Variants in TNFSF9 observed in about 807,000 individuals in gnomAD.
The protein encoded by TNFSF9 is tumor necrosis factor ligand superfamily member 9.
TNFSF9 carries 10 observed loss-of-function variants against 10.3 expected under a neutral mutation model. That is an observed-to-expected ratio of 0.97 (90% CI 0.60 to 1.65). TNFSF9 has a LOEUF of 1.65. Among genes scored for constraint, TNFSF9 ranks in the 40% most tolerant of loss-of-function variants. The probability of loss-of-function intolerance (pLI) is 0.00; values close to 1 mark genes in which losing one functional copy is unlikely to be tolerated. For synonymous variants in TNFSF9, 195 were observed against 176.1 expected, an observed-to-expected ratio of 1.11 and a Z score of -0.85; for missense variants, 361 against 348.9, an observed-to-expected ratio of 1.03 and a Z score of -0.28.
rs368974339 is a variant in TNFSF9, at chr19:6,532,296, T to TGTGTGTGTGTGTGTGTGTTC, written c.268-488_268-487insGTGTGTGTGTGTGTGTTCGT. 6.4e-3 allele frequency among the ~76,000 whole-genome samples: 936 copies of TGTGTGTGTGTGTGTGTGTTC among 146,000 alleles called. 21 individuals carry two copies. The highest frequency in any genetic ancestry group is 0.024 in the African/African-American group (880 of 37,184). ...GTGTGTGTGTGTGTGTGTGTGTGTGTGTTCGTGTTTGTGTGGGTGTTTGTG... is the reference window on the plus strand; with the variant it reads ...GTGTGTGTGTGTGTGTGTGTGTGTGTGTGTGTGTGTGTGTGTGTTCGTTCGTGTTTGTGTGGGTGTTTGTG... On this transcript the variant is annotated intron_variant, in intron 1 of 2. Coordinates refer to ENST00000245817, the MANE Select transcript of TNFSF9 (RefSeq NM_003811.4).
rs960464392 is a variant in TNFSF9 at position 6,535,676 on chromosome 19, T to C, written c.*610T>C. 6.6e-6 allele frequency: 1 copy of C among 152,168 alleles called. No homozygotes were observed. Among genetic ancestry groups the C allele is most frequent in the African/African-American group, 2.4e-5 (1 of 41,442 alleles). The allele number at this position is 152,168 out of a possible 1,614,324, so 9.4% of individuals were successfully genotyped here. On this transcript the variant is annotated 3_prime_UTR_variant, in exon 3 of 3. Transcript: ENST00000245817. Reference sequence around the variant, plus strand: ...TAGCTTTTTTCTTTCTTTCTTTTTTTTGAGATGGTCTTGTTCTGTCAACCA... The same window carrying C: ...TAGCTTTTTTCTTTCTTTCTTTTTTCTGAGATGGTCTTGTTCTGTCAACCA...
chr19:6,532,366 C>A (rs1210779932), intron 1 of TNFSF9, among the ~76,000 whole-genome samples: 1 of 126,882 alleles, frequency 7.9e-6, no homozygotes, highest in African/African-American at 3.1e-5. Flanking sequence ...TGTGTGTGTT[C>A]GTGGGTGTGT....
At chr19:6,531,885 C>A (rs969820941) in intron 1 of TNFSF9, among the ~76,000 whole-genome samples, 3 of 152,186 alleles carry the variant, frequency 2.0e-5, no homozygotes, top group Admixed American at 6.5e-5. Context: ...ATTCCGCATT[C>A]CCAAGGCACC....
Position 6,531,204 on chromosome 19 carries a change from C to G in TNFSF9, c.168C>G (p.Ser56=), listed in dbSNP as rs1294308541. The part of the protein sequence containing the change: ...AVFLACPWAV[S]GARASPGSAA... The stretch of plus-strand genomic sequence containing the variant: ...TCCTCGCCTGCCCCTGGGCCGTGTC[C>G]GGGGCTCGCGCCTCGCCCGGCTCCG... The change falls in exon 1 of 3, where the codon TCC becomes TCG. Residue 56 remains serine (S), a synonymous_variant. Transcript: ENST00000245817. 1 of 1,546,726 alleles carries G rather than the reference C, an allele frequency of 6.5e-7. No individual in the cohort carries two copies. The highest frequency in any genetic ancestry group is 8.7e-7 in the Non-Finnish European group (1 of 1,149,672).
intron 1 of TNFSF9, among the ~76,000 whole-genome samples, chr19:6,532,464 T>C (rs1254586236): frequency 2.7e-5 from 4 of 150,366 alleles, no homozygotes; most frequent in Non-Finnish European, 1.5e-5. Flanking sequence ...TGTTTGGATA[T>C]TTGTGTTCGT....
intron 2 of TNFSF9, among the ~76,000 whole-genome samples, 183 bp from the exon 3 acceptor site, chr19:6,534,417 G>A (rs918492674): frequency 1.1e-4 from 4 of 35,024 alleles, no homozygotes; most frequent in Admixed American, 1.0e-3. Context: ...CCCCCCCAAC[G>A]CCCCCCCCAC....
Position 6,534,715 on chromosome 19 carries a change from T to C in TNFSF9, c.414T>C (p.Ala138=), listed in dbSNP as rs770261571. The change falls in exon 3 of 3, where the codon GCT becomes GCC. Residue 138 remains alanine (A), a synonymous_variant. Coordinates refer to ENST00000245817, the MANE Select transcript of TNFSF9 (RefSeq NM_003811.4). ...EDTKELVVAK[A]GVYYVFFQLE... is the part of the protein sequence containing the mutation. Reference sequence around the variant, plus strand: ...CGAAGGAGCTGGTGGTGGCCAAGGCTGGAGTCTACTATGTCTTCTTTCAAC... The same window carrying C: ...CGAAGGAGCTGGTGGTGGCCAAGGCCGGAGTCTACTATGTCTTCTTTCAAC... 4.4e-6 allele frequency: 7 copies of C among 1,596,758 alleles called. No individual in the cohort carries two copies. The highest frequency in any genetic ancestry group is 6.0e-6 in the Non-Finnish European group (7 of 1,172,034).
In TNFSF9 at chr19:6,535,275, A is replaced by C; in HGVS notation, c.*209A>C. 1 of 155,324 alleles carries C rather than the reference A, an allele frequency of 6.4e-6. No individual in the cohort carries two copies. The highest frequency in any genetic ancestry group is 1.3e-5 in the Non-Finnish European group (1 of 77,482). 9.6% of individuals were successfully genotyped at this position (155,324 alleles called of 1,614,324 possible). ...TATTCTGAGCCTGAGCTCAGATAAT[A>C]TATTATATATATTATATATATATAT... On this transcript the variant is annotated 3_prime_UTR_variant, in exon 3 of 3. Transcript: ENST00000245817.
rs747988143 is a variant in TNFSF9 at position 6,531,268 on chromosome 19, C to G, written c.232C>G (p.Pro78Ala). Reference sequence around the variant, plus strand: ...ACTCCGCGAGGGTCCCGAGCTTTCGCCCGACGATCCCGCCGGCCTCTTGGA... The same window carrying G: ...ACTCCGCGAGGGTCCCGAGCTTTCGGCCGACGATCCCGCCGGCCTCTTGGA... ...PRLREGPELSPDDPAGLLDLR... is the reference protein window; with the variant it reads ...PRLREGPELSADDPAGLLDLR... The change falls in exon 1 of 3, where the codon CCC becomes GCC. Residue 78 changes from proline (P) to alanine (A), a missense_variant. Physicochemically the swap from Pro to Ala is conservative, Grantham distance 27. Transcript: ENST00000245817. 6.6e-7 allele frequency: 1 copy of G among 1,509,154 alleles called. No individual in the cohort carries two copies. Among genetic ancestry groups the G allele is most frequent in the Non-Finnish European group, 8.8e-7 (1 of 1,137,860 alleles). 93.5% of individuals were successfully genotyped at this position (1,509,154 alleles called of 1,614,324 possible).
intron 1 of TNFSF9, among the ~76,000 whole-genome samples, chr19:6,532,119 A>C (rs1391116552): frequency 1.3e-5 from 2 of 152,182 alleles, no homozygotes; most frequent in African/African-American, 4.8e-5. Flanking sequence ...TAACTCCCAA[A>C]GAGCCTTATC....
chr19:6,532,872 T>C (rs768585779), intron 2 of TNFSF9, 56 bp downstream of exon 2: 3 of 1,611,538 alleles, frequency 1.9e-6, no homozygotes, highest in South Asian at 2.2e-5. Flanking sequence ...CACCCCGGGA[T>C]ACGAAGAAGG....
chr19:6,534,863 G>GCCT lies in TNFSF9; in HGVS notation c.568_570dup (p.Ser190dup). ...GGCTTTGACCGTGGACCTGCCACCC[G>GCCT]CCTCCTCCGAGGCTCGGAACTCGGC... On this transcript the variant is annotated inframe_insertion, in exon 3 of 3. Coordinates refer to ENST00000245817, the MANE Select transcript of TNFSF9 (RefSeq NM_003811.4). 6.2e-7 allele frequency: 1 copy of GCCT among 1,606,584 alleles called. No homozygotes were observed. The highest frequency in any genetic ancestry group is 2.2e-5 in the East Asian group (1 of 44,802).
intron 1 of TNFSF9, among the ~76,000 whole-genome samples, chr19:6,532,341 G>A (rs1466680636): frequency 6.6e-6 from 1 of 150,802 alleles, no homozygotes; most frequent in Non-Finnish European, 1.5e-5. Flanking sequence ...GTGTGTTCGT[G>A]TGGGGGTGCG....
Position 6,535,249 on chromosome 19 carries a change from T to C in TNFSF9, c.*183T>C, listed in dbSNP as rs1915243098. ...CCTTCCCCAAGTTGGACCTTGATAT[T>C]TATTCTGAGCCTGAGCTCAGATAAT... On this transcript the variant is annotated 3_prime_UTR_variant, in exon 3 of 3. Coordinates refer to ENST00000245817, the MANE Select transcript of TNFSF9 (RefSeq NM_003811.4). 2.2e-6 allele frequency: 1 copy of C among 458,126 alleles called. No homozygotes were observed. The highest frequency in any genetic ancestry group is 3.8e-6 in the Non-Finnish European group (1 of 262,760). The allele number at this position is 458,126 out of a possible 1,614,324, so 28.4% of individuals were successfully genotyped here.
At position 6,534,941 on chromosome 19, in the gene TNFSF9, G is replaced by A. The variant is rs537475974; in HGVS notation, c.640G>A (p.Val214Ile). Residue 214 changes from valine to isoleucine, a missense_variant, in exon 3 of 3, where the codon GTC becomes ATC. Val to Ile is a conservative substitution (Grantham distance 29). Coordinates refer to ENST00000245817, the MANE Select transcript of TNFSF9 (RefSeq NM_003811.4). ...LHLSAGQRLG[V>I]HLHTEARARH... ...CCTGAGTGCCGGCCAGCGCCTGGGC[G>A]TCCATCTTCACACTGAGGCCAGGGC... 1.7e-5 allele frequency: 28 copies of A among 1,610,962 alleles called. No homozygotes were observed. Among genetic ancestry groups the A allele is most frequent in the South Asian group, 1.5e-4 (14 of 90,934 alleles).
rs755292822 is a variant in TNFSF9, at chr19:6,535,017, G to A, written c.716G>A (p.Arg239Gln). The stretch of plus-strand genomic sequence containing the variant: ...GGCGCCACAGTCTTGGGACTCTTCC[G>A]GGTGACCCCCGAAATCCCAGCCGGA... ...TQGATVLGLF[R>Q]VTPEIPAGLP... The change falls in exon 3 of 3, where the codon CGG becomes CAG. Residue 239 changes from arginine to glutamine, a missense_variant. By Grantham distance (43) the Arg-to-Gln change is conservative. Coordinates refer to ENST00000245817, the MANE Select transcript of TNFSF9 (RefSeq NM_003811.4). 5.0e-6 allele frequency: 8 copies of A among 1,590,650 alleles called. No individual in the cohort carries two copies. Among genetic ancestry groups the A allele is most frequent in the South Asian group, 4.5e-5 (4 of 89,030 alleles).
intron 1 of TNFSF9, among the ~76,000 whole-genome samples, chr19:6,532,296 T>TGTGTGTGTTC (rs368974339): frequency 0.017 from 2,543 of 146,016 alleles, 66 homozygotes; most frequent in African/African-American, 0.058. Flanking sequence ...TGTGTGTGTG[T>TGTGTGTGTTC]GTTCGTGTTT....
At chr19:6,534,457 G>T in intron 2 of TNFSF9, 143 bp from the exon 3 acceptor site, 1 of 118,862 alleles carries the variant, frequency 8.4e-6, no homozygotes, top group South Asian at 1.1e-4. Context: ...CCCCTGTCCC[G>T]CTCCCTGCCC....
chr19:6,533,319 C>G (rs1432917198), intron 2 of TNFSF9, among the ~76,000 whole-genome samples: 1 of 137,458 alleles, frequency 7.3e-6, no homozygotes, highest in Non-Finnish European at 1.6e-5. Flanking sequence ...TCCCCAAACC[C>G]TCCCCAGCCC....
Sources: gnomAD v4.1 joint callset for allele counts (sites outside exome capture counted in the v4.1 genomes callset) on GRCh38, gnomAD v4.1.1 for gene constraint, MANE v1.5 for transcripts, NCBI Gene and HGNC (gene_info 2026-07-23, HGNC 2026-07-21) for gene names.